Variants in KIAA1671 observed in about 807,000 individuals in gnomAD.
KIAA1671 encodes KIAA1671, also known as uncharacterized protein KIAA1671.
KIAA1671 carries 52 observed loss-of-function variants against 131.2 expected under a neutral mutation model. The observed-to-expected ratio is 0.40, with a 90% confidence interval of 0.32 to 0.50. The LOEUF (loss-of-function observed/expected upper bound fraction) is 0.50, where lower values mean the gene tolerates loss of function less well. Ranked by LOEUF, KIAA1671 falls within the 20% of genes least tolerant of loss-of-function variation. The pLI, the probability that KIAA1671 is intolerant of heterozygous loss-of-function variation, is 0.73. For missense variants in KIAA1671, 2,360 were observed against 2,364.2 expected (o/e 1.00, Z 0.04); for synonymous variants, 1,003 against 961.6 (o/e 1.04, Z -0.80).
At chr22:25,082,197 T>A (rs1601293792) in intron 6 of KIAA1671, among the ~76,000 whole-genome samples, 1 of 152,204 alleles carries the variant, frequency 6.6e-6, no homozygotes, top group Non-Finnish European at 1.5e-5. Context: ...TGTGACCTTG[T>A]GCCAGCCACC....
At chr22:25,071,488 T>C (rs1300646521) in intron 6 of KIAA1671, among the ~76,000 whole-genome samples, 1 of 151,786 alleles carries the variant, frequency 6.6e-6, no homozygotes, top group African/African-American at 2.4e-5. Flanking sequence ...ATATAATAAA[T>C]GTAAGGCAAC....
intron 1 of KIAA1671, among the ~76,000 whole-genome samples, chr22:24,980,939 C>G (rs12159834): frequency 0.22 from 33,325 of 151,520 alleles, 5,741 homozygotes; most frequent in East Asian, 0.52. Context: ...TAGAGACGGG[C>G]TTTCACCATG....
chr22:25,140,278 C>G lies in KIAA1671; in HGVS notation c.4531-30542C>G, dbSNP rs546352481. On this transcript the variant is annotated intron_variant, in intron 6 of 12. Coordinates refer to ENST00000358431, the MANE Select transcript of KIAA1671 (RefSeq NM_001145206.2). The stretch of plus-strand genomic sequence containing the variant: ...TCCAGCCTAGAGGCTGTCCGCAGTT[C>G]CTTGCCACATGGGCTTTCTCATGGC... Among the ~76,000 whole-genome samples, 10 of 152,362 alleles carry G rather than the reference C, an allele frequency of 6.6e-5. No individual in the cohort carries two copies. In the South Asian group the frequency reaches 2.1e-3, roughly 32 times the overall value.
intron 6 of KIAA1671, among the ~76,000 whole-genome samples, chr22:25,158,290 T>C (rs1055777170): frequency 6.6e-6 from 1 of 152,146 alleles, no homozygotes; most frequent in African/African-American, 2.4e-5. Context: ...GTTCATTCAC[T>C]CCATCCATCC....
intron 12 of KIAA1671, 149 bp from the exon 13 acceptor site, chr22:25,192,257 A>G (rs4820620): frequency 0.33 from 49,567 of 151,546 alleles, 8,485 homozygotes; most frequent in East Asian, 0.47. Context: ...TCCCCTTTCC[A>G]CCCAACACAA....
intron 6 of KIAA1671, among the ~76,000 whole-genome samples, chr22:25,119,348 T>G (rs1931828020): frequency 6.6e-6 from 1 of 152,140 alleles, no homozygotes; most frequent in African/African-American, 2.4e-5. Flanking sequence ...ATCTCAGAGT[T>G]GACGCCAGGA....
intron 1 of KIAA1671, among the ~76,000 whole-genome samples, chr22:24,975,753 C>G (rs6004381): frequency 3.3e-5 from 5 of 152,280 alleles, no homozygotes; most frequent in African/African-American, 1.2e-4. Flanking sequence ...GATGAGAAAA[C>G]TGAGGCTCAG....
At chr22:25,191,564 G>A (rs1292858953) in intron 12 of KIAA1671, among the ~76,000 whole-genome samples, 1 of 152,244 alleles carries the variant, frequency 6.6e-6, no homozygotes. Flanking sequence ...AGGCCCTGGT[G>A]TAAGTTGCAA....
intron 1 of KIAA1671, among the ~76,000 whole-genome samples, chr22:24,956,871 CAAAAA>C (rs60921102): frequency 1.9e-5 from 2 of 103,108 alleles, no homozygotes; most frequent in East Asian, 2.5e-4. Context: ...GACTCTGTCT[CAAAAA>C]AAAAAAAAAA....
In KIAA1671 at chr22:25,028,440, C is replaced by T. The variant is rs1602078889; in HGVS notation, c.441C>T (p.Phe147=). The change falls in exon 3 of 13, where the codon TTC becomes TTT. Residue 147 remains phenylalanine, a synonymous_variant. Coordinates refer to ENST00000358431, the MANE Select transcript of KIAA1671 (RefSeq NM_001145206.2). ...LRPSSSTMIL[F]ETTKSGPALG... ...CCAGCTCCAGCACCATGATTCTCTT[C>T]GAAACCACCAAAAGCGGCCCCGCTC... 11 of 1,550,686 alleles carry T rather than the reference C, an allele frequency of 7.1e-6. No individual in the cohort carries two copies. The highest frequency in any genetic ancestry group is 4.9e-5 in the East Asian group (2 of 40,916).
At chr22:24,954,916 G>A (rs1921612440) in intron 1 of KIAA1671, among the ~76,000 whole-genome samples, 1 of 152,072 alleles carries the variant, frequency 6.6e-6, no homozygotes, top group Non-Finnish European at 1.5e-5. Flanking sequence ...GAGTGGCTGG[G>A]ATTACAGATG....
intron 6 of KIAA1671, among the ~76,000 whole-genome samples, chr22:25,128,233 A>G (rs1227856805): frequency 6.6e-6 from 1 of 152,222 alleles, no homozygotes; most frequent in Non-Finnish European, 1.5e-5. Context: ...AGCCCCAGGT[A>G]GAGATGGTTA....
At chr22:25,042,810 C>T (rs1927019926) in intron 5 of KIAA1671, among the ~76,000 whole-genome samples, 1 of 151,966 alleles carries the variant, frequency 6.6e-6, no homozygotes, top group African/African-American at 2.4e-5. Flanking sequence ...CAGGAAGAAC[C>T]AGTAGGGGAG....
At position 25,039,058 on chromosome 22, in the gene KIAA1671, C is replaced by T. The variant is rs1249830294; in HGVS notation, c.1928C>T (p.Ala643Val). ...STTPPGDMAH[A>V]RVSEPRPRPE... ...ACACCCCCTGGTGACATGGCCCATG[C>T]CCGTGTCTCAGAACCCAGGCCGAGG... is the stretch of plus-strand genomic sequence containing the variant. The change falls in exon 5 of 13, where the codon GCC (alanine) becomes GTC (valine). Residue 643 changes from alanine to valine, a missense_variant. Ala to Val is a moderately conservative substitution (Grantham distance 64). Transcript: ENST00000358431. 4.5e-6 allele frequency: 7 copies of T among 1,551,696 alleles called. No individual in the cohort carries two copies. In the East Asian group the frequency reaches 1.5e-4, roughly 33 times the overall value.
At chr22:24,956,671 C>A (rs1921716684) in intron 1 of KIAA1671, among the ~76,000 whole-genome samples, 1 of 151,734 alleles carries the variant, frequency 6.6e-6, no homozygotes, top group Admixed American at 6.6e-5. Flanking sequence ...TCGAGACCAT[C>A]CTGGCTAACA....
intron 5 of KIAA1671, among the ~76,000 whole-genome samples, chr22:25,045,017 C>CG (rs1449550568): frequency 6.6e-6 from 1 of 152,062 alleles, no homozygotes; most frequent in Non-Finnish European, 1.5e-5. Flanking sequence ...AAAAATTAGC[C>CG]GGGCACAGTG....
intron 6 of KIAA1671, among the ~76,000 whole-genome samples, chr22:25,117,361 G>A (rs1448073947): frequency 6.6e-6 from 1 of 152,060 alleles, no homozygotes; most frequent in African/African-American, 2.4e-5. Context: ...GAGAGGGGAA[G>A]TCACAGGACT....
intron 1 of KIAA1671, among the ~76,000 whole-genome samples, chr22:24,953,756 G>C (rs772008166): frequency 5.3e-5 from 8 of 152,182 alleles, no homozygotes; most frequent in Non-Finnish European, 1.0e-4. Context: ...CGGAGCAGGC[G>C]TGTGACCTCC....
At chr22:24,989,350 T>C (rs1316223764) in intron 1 of KIAA1671, among the ~76,000 whole-genome samples, 1 of 152,174 alleles carries the variant, frequency 6.6e-6, no homozygotes, top group African/African-American at 2.4e-5. Flanking sequence ...ACAGCCCTGC[T>C]GACAGCCTCC....
Sources: allele counts gnomAD v4.1 joint callset (sites outside exome capture counted in the v4.1 genomes callset), GRCh38; gene constraint gnomAD v4.1.1; transcripts MANE v1.5; gene names NCBI Gene and HGNC (gene_info 2026-07-23, HGNC 2026-07-21).